The following SEPTIN11 variants were observed in gnomAD, a reference collection of about 807,000 sequenced individuals.
SEPTIN11 encodes septin-11.
A neutral mutation model predicts 51.4 loss-of-function variants in SEPTIN11; 25 were observed. That is an observed-to-expected ratio of 0.49 (90% confidence interval 0.35 to 0.68). SEPTIN11 has a LOEUF of 0.68. Ranked by LOEUF, SEPTIN11 falls within the 30% of genes least tolerant of loss-of-function variation. SEPTIN11 has a pLI of 0.00. For missense variants in SEPTIN11, 381 were observed against 520.8 expected, an observed-to-expected ratio of 0.73 and a Z score of 2.61; for synonymous variants, 174 against 184.1, an observed-to-expected ratio of 0.95 and a Z score of 0.44.
chr4:77,036,204 C>T lies in SEPTIN11; in HGVS notation c.*1692C>T, dbSNP rs998557982. On this transcript the variant is annotated 3_prime_UTR_variant, in exon 10 of 10. Transcript: ENST00000264893. ...CTAAACAAAGCTGGAATAGAAACTA[C>T]ACACTAGACACAGCAGTAGTCATAG... The T allele has an allele frequency of 1.4e-5, 14 of 988,916 alleles. No homozygotes were observed. The highest frequency in any genetic ancestry group is 1.6e-5 in the Non-Finnish European group (13 of 832,266). 61.3% of individuals were successfully genotyped at this position (988,916 alleles called of 1,614,324 possible).
At position 77,036,298 on chromosome 4, in the gene SEPTIN11, G is replaced by A; in HGVS notation, c.*1786G>A. On this transcript the variant is annotated 3_prime_UTR_variant, in exon 10 of 10. Coordinates refer to ENST00000264893, the MANE Select transcript of SEPTIN11 (RefSeq NM_018243.4). ...GCTTTTGTTTTTTTAAATAATTCTA[G>A]TCTGGAGCTAACTGTGGAGCAGCCA... 9.8e-7 allele frequency: 1 copy of A among 1,018,678 alleles called. No homozygotes were observed. The highest frequency in any genetic ancestry group is 1.2e-6 in the Non-Finnish European group (1 of 851,030). The allele number at this position is 1,018,678 out of a possible 1,614,324, so 63.1% of individuals were successfully genotyped here. A position where few individuals can be genotyped will look rare whatever the true frequency, so the allele number is the denominator to read the frequency against.
intron 1 of SEPTIN11, among the ~76,000 whole-genome samples, chr4:76,978,999 T>C (rs1722631226): frequency 6.6e-6 from 1 of 152,218 alleles, no homozygotes; most frequent in African/African-American, 2.4e-5. Context: ...TCTCTATCAC[T>C]GCACTGCTGC....
intron 1 of SEPTIN11, among the ~76,000 whole-genome samples, chr4:76,988,767 A>G (rs1250271601): frequency 3.9e-5 from 6 of 152,264 alleles, no homozygotes; most frequent in South Asian, 2.1e-4. Flanking sequence ...GCTTTTAAGC[A>G]GGGCATTTGT....
intron 2 of SEPTIN11, among the ~76,000 whole-genome samples, chr4:77,005,341 A>G (rs916957952): frequency 2.6e-5 from 4 of 152,230 alleles, no homozygotes; most frequent in African/African-American, 4.8e-5. Flanking sequence ...CAATTTTTCT[A>G]TTCAGAGGTA....
intron 8 of SEPTIN11, among the ~76,000 whole-genome samples, chr4:77,028,991 C>T (rs1726395929): frequency 6.6e-6 from 1 of 152,190 alleles, no homozygotes; most frequent in Admixed American, 6.5e-5. Flanking sequence ...ACCTAGTTAG[C>T]AGCAAAACCG....
chr4:76,966,035 C>T (rs1722021914), intron 1 of SEPTIN11, among the ~76,000 whole-genome samples: 1 of 152,220 alleles, frequency 6.6e-6, no homozygotes, highest in Non-Finnish European at 1.5e-5. Context: ...ATGGTTTTGT[C>T]TCCAGCAGAG....
intron 1 of SEPTIN11, among the ~76,000 whole-genome samples, chr4:76,977,814 T>G (rs959294637): frequency 1.3e-5 from 2 of 152,112 alleles, no homozygotes; most frequent in Non-Finnish European, 2.9e-5. Context: ...AAAATATTTC[T>G]TCTCTAGCCC....
At position 77,004,958 on chromosome 4, in the gene SEPTIN11, G is replaced by A. The variant is rs192272280; in HGVS notation, c.143-643G>A. 2.6e-5 allele frequency among the ~76,000 whole-genome samples: 4 copies of A among 152,204 alleles called. No individual in the cohort carries two copies. In the East Asian group the frequency reaches 5.8e-4, roughly 22 times the overall value. ...AGCCTGGGGGACAGAGCGAGACTCT[G>A]TCTCAAAATTGAATAAATAAATACA... On this transcript the variant is annotated intron_variant, in intron 2 of 9. Coordinates refer to ENST00000264893, the MANE Select transcript of SEPTIN11 (RefSeq NM_018243.4).
chr4:77,039,460 C>T (rs1007225781), downstream of SEPTIN11: 1 of 1,000,810 alleles, frequency 1.0e-6, no homozygotes, highest in Non-Finnish European at 1.2e-6. Context: ...CAGCGTGTAC[C>T]CTAACCTGAG....
intron 1 of SEPTIN11, among the ~76,000 whole-genome samples, chr4:76,961,443 T>C (rs542647137): frequency 4.6e-5 from 7 of 152,318 alleles, no homozygotes; most frequent in Admixed American, 1.3e-4. Flanking sequence ...TTCCACATGC[T>C]TTTGACTGGT....
At chr4:77,000,196 G>T (rs1724022071) in intron 2 of SEPTIN11, among the ~76,000 whole-genome samples, 1 of 152,218 alleles carries the variant, frequency 6.6e-6, no homozygotes, top group African/African-American at 2.4e-5. Flanking sequence ...TAGAAAATTT[G>T]TCCACAATTC....
At chr4:76,957,423 G>A (rs1014792871) in intron 1 of SEPTIN11, among the ~76,000 whole-genome samples, 2 of 152,158 alleles carry the variant, frequency 1.3e-5, no homozygotes, top group African/African-American at 4.8e-5. Context: ...TAGAGTATCG[G>A]TTTTACCATT....
chr4:76,969,242 G>A (rs1422724847), intron 1 of SEPTIN11, among the ~76,000 whole-genome samples: 1 of 152,100 alleles, frequency 6.6e-6, no homozygotes, highest in African/African-American at 2.4e-5. Context: ...GAGGATCTGG[G>A]ACTCTTGAAC....
At chr4:76,980,495 T>C (rs1722716667) in intron 1 of SEPTIN11, among the ~76,000 whole-genome samples, 1 of 152,182 alleles carries the variant, frequency 6.6e-6, no homozygotes, top group Non-Finnish European at 1.5e-5. Context: ...GCTGCCACAT[T>C]GCGCTAAACC....
At chr4:76,988,042 T>G (rs1723138750) in intron 1 of SEPTIN11, among the ~76,000 whole-genome samples, 1 of 152,206 alleles carries the variant, frequency 6.6e-6, no homozygotes, top group Non-Finnish European at 1.5e-5. Flanking sequence ...TATTTCTACC[T>G]TCTCCCATCA....
intron 1 of SEPTIN11, among the ~76,000 whole-genome samples, chr4:76,995,274 C>A (rs879388562): frequency 6.6e-6 from 1 of 151,692 alleles, no homozygotes. Context: ...CCCAGCTACT[C>A]GGGAGGCTGA....
chr4:76,957,417 G>A (rs998868856), intron 1 of SEPTIN11, among the ~76,000 whole-genome samples: 5 of 152,240 alleles, frequency 3.3e-5, no homozygotes, highest in Admixed American at 1.3e-4. Flanking sequence ...CGGTTCTAGA[G>A]TATCGGTTTT....
intron 7 of SEPTIN11, among the ~76,000 whole-genome samples, chr4:77,023,173 G>A (rs1344918613): frequency 2.0e-5 from 3 of 151,324 alleles, no homozygotes; most frequent in Admixed American, 2.0e-4. Context: ...GCTGCCTGAC[G>A]CTTAGAGAGC....
Position 77,020,818 on chromosome 4 carries a change from A to G in SEPTIN11, c.953+148A>G, listed in dbSNP as rs1356516146. ...AATACATATGTTGTCAGGCATTGTG[A>G]TAATTGCTTTATTTGCATTATCTCA... On this transcript the variant is annotated intron_variant, in intron 7 of 9. Coordinates refer to ENST00000264893, the MANE Select transcript of SEPTIN11 (RefSeq NM_018243.4). 6 of 705,704 alleles carry G rather than the reference A, an allele frequency of 8.5e-6. No homozygotes were observed. The African/African-American group carries it at 1.1e-4, about 13-fold the overall frequency. 43.7% of individuals were successfully genotyped at this position (705,704 alleles called of 1,614,324 possible).
Sources: allele counts gnomAD v4.1 joint callset (sites outside exome capture counted in the v4.1 genomes callset), GRCh38; gene constraint gnomAD v4.1.1; transcripts MANE v1.5; gene names NCBI Gene and HGNC (gene_info 2026-07-23, HGNC 2026-07-21).